NUDCD3: variants seen among roughly 807,000 people sequenced by gnomAD.
NUDCD3 encodes NudC domain containing 3, also known as nudC domain-containing protein 3.
Under a neutral mutation model 39.7 loss-of-function variants are expected in NUDCD3, and 13 were observed. That is an observed-to-expected ratio of 0.33 (90% confidence interval 0.21 to 0.52). The LOEUF is 0.52. Ranked by LOEUF, NUDCD3 falls within the 20% of genes least tolerant of loss-of-function variation. The pLI is 0.96. For synonymous variants in NUDCD3, 175 were observed against 172.4 expected (o/e 1.02, Z -0.12); for missense variants, 453 against 458.1 (o/e 0.99, Z 0.10).
chr7:44,450,030 A>ACCCAAAATTGGGT (rs1799764846), intron 2 of NUDCD3, among the ~76,000 whole-genome samples: 1 of 152,202 alleles, frequency 6.6e-6, no homozygotes, highest in African/African-American at 2.4e-5. Flanking sequence ...AAATTCAATA[A>ACCCAAAATTGGGT]TAAGAAAACA....
At chr7:44,454,772 A>AT (rs1372468619) in intron 2 of NUDCD3, among the ~76,000 whole-genome samples, 5 of 151,730 alleles carry the variant, frequency 3.3e-5, no homozygotes, top group East Asian at 1.9e-4. Context: ...ACCAAAAAAA[A>AT]TTTTTTTTTA....
chr7:44,432,634 C>T (rs1486452669), intron 2 of NUDCD3, among the ~76,000 whole-genome samples: 1 of 152,228 alleles, frequency 6.6e-6, no homozygotes, highest in Non-Finnish European at 1.5e-5. Flanking sequence ...TGTCAACCCC[C>T]TCTCCACCAC....
At chr7:44,391,950 CATGGGAAGAT>C (rs1798525025) in intron 5 of NUDCD3, among the ~76,000 whole-genome samples, 1 of 152,188 alleles carries the variant, frequency 6.6e-6, no homozygotes, top group African/African-American at 2.4e-5. Context: ...AGCGACTCTT[CATGGGAAGAT>C]ATGTGCAGAT....
chr7:44,487,939 T>G (rs1414034829), intron 1 of NUDCD3, among the ~76,000 whole-genome samples: 1 of 151,306 alleles, frequency 6.6e-6, no homozygotes, highest in Non-Finnish European at 1.5e-5. Flanking sequence ...GACAACAGAA[T>G]GAGACTCCAT....
chr7:44,416,108 G>C (rs887369547), intron 3 of NUDCD3, among the ~76,000 whole-genome samples: 3 of 151,970 alleles, frequency 2.0e-5, no homozygotes, highest in African/African-American at 7.3e-5. Context: ...TTTTGAGATA[G>C]GGTCTTACTC....
chr7:44,394,678 G>A (rs1585051224), intron 4 of NUDCD3, among the ~76,000 whole-genome samples: 2 of 152,288 alleles, frequency 1.3e-5, no homozygotes, highest in African/African-American at 4.8e-5. Context: ...TAAAAATGAG[G>A]ACAAACCCTT....
chr7:44,481,000 G>C (rs960624792), intron 2 of NUDCD3, among the ~76,000 whole-genome samples: 1 of 127,622 alleles, frequency 7.8e-6, no homozygotes, highest in Admixed American at 8.5e-5. Context: ...AAAATGGATT[G>C]TTTTGTCTGT....
chr7:44,458,907 A>G (rs1190012406), intron 2 of NUDCD3, among the ~76,000 whole-genome samples: 2 of 146,880 alleles, frequency 1.4e-5, no homozygotes, highest in African/African-American at 5.1e-5. Flanking sequence ...CAGTATACTG[A>G]CACTGGCTGC....
At chr7:44,445,394 T>C (rs1040989571) in intron 2 of NUDCD3, among the ~76,000 whole-genome samples, 1 of 152,204 alleles carries the variant, frequency 6.6e-6, no homozygotes, top group Non-Finnish European at 1.5e-5. Context: ...GTGTGGTCCC[T>C]GCCAGCCCCA....
chr7:44,400,703 C>G (rs1183581655), intron 4 of NUDCD3, among the ~76,000 whole-genome samples: 1 of 152,202 alleles, frequency 6.6e-6, no homozygotes, highest in Non-Finnish European at 1.5e-5. Context: ...ATCCTTCCTG[C>G]CATTTCCAGC....
At chr7:44,417,521 A>G (rs554391128) in intron 3 of NUDCD3, among the ~76,000 whole-genome samples, 1 of 152,358 alleles carries the variant, frequency 6.6e-6, no homozygotes, top group East Asian at 1.9e-4. Context: ...AGAAAGCCCC[A>G]GGGGTTCATA....
intron 2 of NUDCD3, chr7:44,468,346 CTG>C: frequency 2.6e-5 from 11 of 415,116 alleles, no homozygotes; most frequent in South Asian, 1.9e-4. Flanking sequence ...AATGTAAAAA[CTG>C]CAAAAAAAAA....
At chr7:44,467,801 A>G (rs1451801101) in intron 2 of NUDCD3, 4 of 857,738 alleles carry the variant, frequency 4.7e-6, no homozygotes, top group Non-Finnish European at 7.4e-6. Context: ...ATATAAGAAA[A>G]AAACTAAGAC....
intron 2 of NUDCD3, among the ~76,000 whole-genome samples, chr7:44,461,475 T>C (rs1377402557): frequency 6.6e-6 from 1 of 152,050 alleles, no homozygotes; most frequent in Non-Finnish European, 1.5e-5. Context: ...GAAAAGGCTG[T>C]CTCCCTGTGG....
At chr7:44,425,537 A>C (rs1279378170) in intron 3 of NUDCD3, among the ~76,000 whole-genome samples, 2 of 152,158 alleles carry the variant, frequency 1.3e-5, no homozygotes, top group Non-Finnish European at 2.9e-5. Flanking sequence ...TTCTTATCAC[A>C]ATTCCTTGAG....
chr7:44,384,467 C>T lies in NUDCD3; in HGVS notation c.*1544G>A, dbSNP rs934505900. The T allele has an allele frequency of 3.3e-5, 5 of 152,226 alleles. No individual in the cohort carries two copies. Among genetic ancestry groups the T allele is most frequent in the African/African-American group, 4.8e-5 (2 of 41,436 alleles). 9.4% of individuals were successfully genotyped at this position (152,226 alleles called of 1,614,324 possible). A position where few individuals can be genotyped will look rare whatever the true frequency, so the allele number is the denominator to read the frequency against. On this transcript the variant is annotated 3_prime_UTR_variant, in exon 6 of 6. Coordinates refer to ENST00000355451, the MANE Select transcript of NUDCD3 (RefSeq NM_015332.4). ...AAGGGGGTATCTAGGGCCTTTTGCT[C>T]TCCTGTGATGATCGGAGCAACATGT...
chr7:44,407,325 G>C (rs971290805), intron 3 of NUDCD3, among the ~76,000 whole-genome samples: 1 of 151,228 alleles, frequency 6.6e-6, no homozygotes, highest in Non-Finnish European at 1.5e-5. Context: ...CAGCACTTTA[G>C]GAGGCCGAGG....
At chr7:44,417,178 T>C (rs961398614) in intron 3 of NUDCD3, among the ~76,000 whole-genome samples, 3 of 152,204 alleles carry the variant, frequency 2.0e-5, no homozygotes, top group African/African-American at 4.8e-5. Flanking sequence ...AAACGTCTAA[T>C]GTAGAATGAG....
At chr7:44,490,288 C>T (rs1800707090) in intron 1 of NUDCD3, 121 bp downstream of exon 1, 2 of 987,718 alleles carry the variant, frequency 2.0e-6, no homozygotes, top group Admixed American at 3.2e-5. Context: ...TTCTCACAAG[C>T]TCAACCCCAG....
Sources: gnomAD v4.1 joint callset for allele counts (sites outside exome capture counted in the v4.1 genomes callset) on GRCh38, gnomAD v4.1.1 for gene constraint, MANE v1.5 for transcripts, NCBI Gene and HGNC (gene_info 2026-07-23, HGNC 2026-07-21) for gene names.